The following SYT7 variants were observed in gnomAD, a reference collection of about 807,000 sequenced individuals.
The protein encoded by SYT7 is synaptotagmin-7.
A neutral mutation model predicts 75.1 loss-of-function variants in SYT7; 29 were observed. The observed-to-expected ratio is 0.39, with a 90% CI of 0.29 to 0.53. The LOEUF is 0.53. Among genes scored for constraint, SYT7 ranks in the 20% least tolerant of loss-of-function variants. The pLI is 0.77. For synonymous variants in SYT7, 376 were observed against 401.7 expected (o/e 0.94, Z 0.76); for missense variants, 693 against 953.2 (o/e 0.73, Z 3.59).
chr11:61,532,893 C>T (rs1019319540), intron 8 of SYT7, 96 bp downstream of exon 8: 51 of 1,535,702 alleles, frequency 3.3e-5, no homozygotes, highest in Non-Finnish European at 4.2e-5. Context: ...CTGGCCACTC[C>T]CATGCTGTTA....
intron 2 of SYT7, among the ~76,000 whole-genome samples, chr11:61,552,989 A>G (rs2063396081): frequency 6.6e-6 from 1 of 152,140 alleles, no homozygotes; most frequent in African/African-American, 2.4e-5. Flanking sequence ...CTTAGTGTGG[A>G]ACCTGGTACT....
At position 61,553,963 on chromosome 11, in the gene SYT7, T is replaced by C. The variant is rs1328208852; in HGVS notation, c.135+2141A>G. 1.3e-5 allele frequency among the ~76,000 whole-genome samples: 2 copies of C among 151,758 alleles called. No individual in the cohort carries two copies. The highest frequency in any genetic ancestry group is 1.5e-5 in the Non-Finnish European group (1 of 67,932). On this transcript the variant is annotated intron_variant, in intron 2 of 12. Transcript: ENST00000539008. This position sits in a 1 kb window ranked among gnomAD's most constrained non-coding sequence, Gnocchi z 5.2. ...CGAGCTCCCTGGCTTCTGGAACCCCTGAGGCGGAGGGGAGGGGGTGGCAGG... is the reference window on the plus strand; with the variant it reads ...CGAGCTCCCTGGCTTCTGGAACCCCCGAGGCGGAGGGGAGGGGGTGGCAGG...
At chr11:61,561,326 T>C (rs1323441356) in intron 1 of SYT7, among the ~76,000 whole-genome samples, 4 of 152,090 alleles carry the variant, frequency 2.6e-5, no homozygotes, top group Admixed American at 6.5e-5. Flanking sequence ...ATCTCCTAGG[T>C]CCAATGCCGG....
At chr11:61,558,489 C>CACACACACACACAT in intron 1 of SYT7, among the ~76,000 whole-genome samples, 2 of 141,190 alleles carry the variant, frequency 1.4e-5, no homozygotes, top group Admixed American at 7.2e-5. Context: ...TATATATACA[C>CACACACACACACAT]ACACACACAC....
At chr11:61,538,058 C>CGGGT (rs2062920588) in intron 7 of SYT7, 86 bp downstream of exon 7, 5 of 1,508,016 alleles carry the variant, frequency 3.3e-6, no homozygotes, top group Non-Finnish European at 4.4e-6. Flanking sequence ...CCACCTCGTC[C>CGGGT]AGCAGCCGGG....
chr11:61,584,860 A>G (rs1191841983), upstream of SYT7, among the ~76,000 whole-genome samples: 1 of 152,198 alleles, frequency 6.6e-6, no homozygotes, highest in Admixed American at 6.5e-5. Flanking sequence ...CTGGGCATTC[A>G]GCTTCTCCCC....
chr11:61,537,825 T>C (rs376653649), intron 7 of SYT7, among the ~76,000 whole-genome samples: 2 of 150,884 alleles, frequency 1.3e-5, no homozygotes, highest in Non-Finnish European at 3.0e-5. Context: ...AGATGAAAGA[T>C]GGAGGGGCAG....
In SYT7 at chr11:61,550,920, TGTG is replaced by T. The variant is rs1590903020; in HGVS notation, c.215+461_215+463del. ...GCTCCCCGAGTGGCCCAGACACAGG[TGTG>T]TCTGCCTCCCCACTTCCAGGTCATC... On this transcript the variant is annotated intron_variant, in intron 3 of 12. Coordinates refer to ENST00000539008, the MANE Select transcript of SYT7 (RefSeq NM_001365809.2). Among the ~76,000 whole-genome samples the T allele has an allele frequency of 2.6e-5, 4 of 151,994 alleles. No homozygotes were observed. The East Asian group carries it at 7.8e-4, about 30-fold the overall frequency.
chr11:61,526,709 A>G (rs919075632), intron 9 of SYT7: 1 of 152,230 alleles, frequency 6.6e-6, no homozygotes, highest in Admixed American at 6.5e-5. Flanking sequence ...AGCTGCCTAC[A>G]TATACCTCCA....
chr11:61,528,611 T>G (rs909355545), intron 8 of SYT7, among the ~76,000 whole-genome samples: 3 of 152,150 alleles, frequency 2.0e-5, no homozygotes, highest in Non-Finnish European at 4.4e-5. Context: ...AAACCTGGGC[T>G]ACACAGCAGA....
intron 2 of SYT7, among the ~76,000 whole-genome samples, chr11:61,555,557 C>T (rs2063475991): frequency 6.6e-6 from 1 of 152,046 alleles, no homozygotes; most frequent in Admixed American, 6.5e-5. Flanking sequence ...CCCCAGCCCT[C>T]GTTAAAAATG....
chr11:61,531,094 T>A, intron 8 of SYT7: 1 of 985,370 alleles, frequency 1.0e-6, no homozygotes, highest in Non-Finnish European at 1.2e-6. Context: ...CAGCCCAGGG[T>A]CCAGAGACCA....
intron 1 of SYT7, among the ~76,000 whole-genome samples, chr11:61,566,230 T>C (rs548097585): frequency 1.3e-5 from 2 of 152,222 alleles, no homozygotes; most frequent in Non-Finnish European, 2.9e-5. Context: ...ACATGCATTA[T>C]TGAATTTAAT....
At position 61,524,846 on chromosome 11, in the gene SYT7, A is replaced by C; in HGVS notation, c.1472-314T>G. 1 of 228,614 alleles carries C rather than the reference A, an allele frequency of 4.4e-6. No homozygotes were observed. The allele number at this position is 228,614 out of a possible 1,614,324, so 14.2% of individuals were successfully genotyped here. A position where few individuals can be genotyped will look rare whatever the true frequency, so the allele number is the denominator to read the frequency against. ...AGAGTAGAACTGCGATCATCCATTC[A>C]CCCATGCACCTTGTGTCCATCTCAG... is the stretch of plus-strand genomic sequence containing the variant. On this transcript the variant is annotated intron_variant, in intron 9 of 12. Transcript: ENST00000539008. This position sits in a 1 kb window ranked among gnomAD's most constrained non-coding sequence, Gnocchi z 4.1.
chr11:61,547,552 G>A (rs2063228357), intron 3 of SYT7, among the ~76,000 whole-genome samples: 2 of 152,188 alleles, frequency 1.3e-5, no homozygotes, highest in South Asian at 4.2e-4. Flanking sequence ...GCACGCACTC[G>A]AGGGCCGGGA....
chr11:61,524,316 C>T lies in SYT7; in HGVS notation c.1641+47G>A. ...AAGGGTCTGGGACCAGATCTCCCAG[C>T]CCTGCCCTGCTGCCTGTCCAGCTAA... On this transcript the variant is annotated intron_variant, in intron 10 of 12. Transcript: ENST00000539008. This position sits in a 1 kb window ranked among gnomAD's most constrained non-coding sequence, Gnocchi z 4.1. 1 of 1,605,138 alleles carries T rather than the reference C, an allele frequency of 6.2e-7. No homozygotes were observed. The highest frequency in any genetic ancestry group is 8.5e-7 in the Non-Finnish European group (1 of 1,175,354).
chr11:61,565,834 G>C (rs558765442), intron 1 of SYT7, among the ~76,000 whole-genome samples: 1 of 152,278 alleles, frequency 6.6e-6, no homozygotes, highest in Admixed American at 6.5e-5. Context: ...GGCTCAGCAC[G>C]AGCAAGCTTC....
chr11:61,551,239 G>A lies in SYT7; in HGVS notation c.215+145C>T, dbSNP rs1590904077. The stretch of plus-strand genomic sequence containing the variant: ...ACGGGGCCCCTGAGTTTTTGGGGGT[G>A]TGTGGAGGGTGTAGAGAGCATGGCA... On this transcript the variant is annotated intron_variant, in intron 3 of 12. Transcript: ENST00000539008. The surrounding 1 kb of genome is among the most constrained non-coding windows in gnomAD (Gnocchi z 5.3). 1.3e-6 allele frequency: 1 copy of A among 752,242 alleles called. No homozygotes were observed. Among genetic ancestry groups the A allele is most frequent in the South Asian group, 1.7e-5 (1 of 57,712 alleles). 46.6% of individuals were successfully genotyped at this position (752,242 alleles called of 1,614,324 possible).
chr11:61,544,037 A>G (rs1420902738), intron 5 of SYT7, among the ~76,000 whole-genome samples: 1 of 152,244 alleles, frequency 6.6e-6, no homozygotes, highest in Non-Finnish European at 1.5e-5. Flanking sequence ...TATTGGAACC[A>G]AGCCATTGGC....
Sources: allele counts gnomAD v4.1 joint callset (sites outside exome capture counted in the v4.1 genomes callset), GRCh38; gene constraint gnomAD v4.1.1; non-coding constraint Gnocchi (gnomAD v3.1); transcripts MANE v1.5; gene names NCBI Gene and HGNC (gene_info 2026-07-23, HGNC 2026-07-21).